The following ADAM17 variants were observed in gnomAD, a reference collection of about 807,000 sequenced individuals.
ADAM17 encodes the protein disintegrin and metalloproteinase domain-containing protein 17.
A neutral mutation model predicts 96.7 loss-of-function variants in ADAM17; 39 were observed. The ratio of observed to expected loss-of-function variants is 0.40; its 90% CI spans 0.31 to 0.53. The LOEUF is 0.53. Among genes scored for constraint, ADAM17 ranks in the 20% least tolerant of loss-of-function variants. ADAM17 has a pLI of 0.44. For synonymous variants in ADAM17, 344 were observed against 359.2 expected, an observed-to-expected ratio of 0.96 and a Z score of 0.48; for missense variants, 777 against 1,013.2, an observed-to-expected ratio of 0.77 and a Z score of 3.17.
intron 4 of ADAM17, among the ~76,000 whole-genome samples, chr2:9,528,272 A>G (rs746697388): frequency 3.9e-5 from 6 of 152,218 alleles, no homozygotes; most frequent in Non-Finnish European, 5.9e-5. Flanking sequence ...TCATTCAAAA[A>G]TATTATGTAA....
At chr2:9,529,592 G>A (rs1449336755) in intron 4 of ADAM17, among the ~76,000 whole-genome samples, 1 of 152,190 alleles carries the variant, frequency 6.6e-6, no homozygotes, top group Non-Finnish European at 1.5e-5. Flanking sequence ...GAAGGGGGAA[G>A]TATGGCTAAA....
At chr2:9,521,002 T>C (rs1279923921) in intron 8 of ADAM17, among the ~76,000 whole-genome samples, 1 of 149,170 alleles carries the variant, frequency 6.7e-6, no homozygotes, top group Non-Finnish European at 1.5e-5. Context: ...CATTGCTTTA[T>C]AGCGTTTTTC....
rs1662412847 is a variant in ADAM17, at chr2:9,494,539, C to G, written c.1914+98G>C. On this transcript the variant is annotated intron_variant, in intron 15 of 18. Transcript: ENST00000310823. ...AATGGGCCAGAAGGATGTAGCCCCACTTGTGTTTTGATTTGTTTTCATCTG... is the reference window on the plus strand; with the variant it reads ...AATGGGCCAGAAGGATGTAGCCCCAGTTGTGTTTTGATTTGTTTTCATCTG... 5 of 1,415,968 alleles carry G rather than the reference C, an allele frequency of 3.5e-6. No individual in the cohort carries two copies. In the South Asian group the frequency reaches 5.1e-5, roughly 14 times the overall value. The allele number at this position is 1,415,968 out of a possible 1,614,324, so 87.7% of individuals were successfully genotyped here.
chr2:9,490,394 T>G lies in ADAM17; in HGVS notation c.2258A>C (p.Lys753Thr), dbSNP rs1428002429. ...PVIPSAPAAP[K>T]LDHQRMDTIQ... ...GGTGTCCATTCTCTGGTGGTCCAGTTTTGGAGCTGCTGGCGCCGAAGGGAT... is the reference window on the plus strand; with the variant it reads ...GGTGTCCATTCTCTGGTGGTCCAGTGTTGGAGCTGCTGGCGCCGAAGGGAT... Residue 753 changes from lysine (K) to threonine (T), a missense_variant, in exon 19 of 19, where the codon AAA becomes ACA. Transcript: ENST00000310823. The G allele has an allele frequency of 6.2e-7, 1 of 1,614,042 alleles. No homozygotes were observed. The highest frequency in any genetic ancestry group is 8.5e-7 in the Non-Finnish European group (1 of 1,180,000).
At chr2:9,550,903 C>CAAAAAAAAAAAAAAAAA (rs33972062) in intron 1 of ADAM17, among the ~76,000 whole-genome samples, 1 of 97,868 alleles carries the variant, frequency 1.0e-5, no homozygotes. Context: ...ACTAAAAATA[C>CAAAAAAAAAAAAAAAAA]AAAAAAAAAA....
Position 9,520,964 on chromosome 2 carries a change from CAAA to C in ADAM17, c.957+236_957+238del, listed in dbSNP as rs55909096. 5.1e-3 allele frequency among the ~76,000 whole-genome samples: 133 copies of C among 26,288 alleles called. 16 individuals carry two copies. Among genetic ancestry groups the C allele is most frequent in the African/African-American group, 0.011 (86 of 8,074 alleles). The allele number at this position is 26,288 out of a possible 152,430, so 17.2% of individuals were successfully genotyped here. A position where few individuals can be genotyped will look rare whatever the true frequency, so the allele number is the denominator to read the frequency against. ...GGGCAACAAGAGTGAAACTCTGTCT[CAAA>C]AAAAAAAAAAAAAAAAAAAGGAAGC... On this transcript the variant is annotated intron_variant, in intron 8 of 18. Coordinates refer to ENST00000310823, the MANE Select transcript of ADAM17 (RefSeq NM_003183.6).
chr2:9,537,898 AGGG>A (rs1558522653), intron 2 of ADAM17, among the ~76,000 whole-genome samples: 1 of 51,138 alleles, frequency 2.0e-5, no homozygotes, highest in Non-Finnish European at 4.2e-5. Context: ...AGGGGAGGGG[AGGG>A]GAGGAGAGGG....
chr2:9,527,767 T>C lies in ADAM17; in HGVS notation c.619+19A>G, dbSNP rs748213080. The C allele has an allele frequency of 6.8e-7, 1 of 1,480,560 alleles. No homozygotes were observed. Among genetic ancestry groups the C allele is most frequent in the Non-Finnish European group, 9.0e-7 (1 of 1,112,726 alleles). The allele number at this position is 1,480,560 out of a possible 1,614,324, so 91.7% of individuals were successfully genotyped here. A position where few individuals can be genotyped will look rare whatever the true frequency, so the allele number is the denominator to read the frequency against. Reference sequence around the variant, plus strand: ...TAGTATGTTTGTTTCTTATTTGAAATACACTCTTTAAGTCTTACCTTCAGG... The same window carrying C: ...TAGTATGTTTGTTTCTTATTTGAAACACACTCTTTAAGTCTTACCTTCAGG... On this transcript the variant is annotated intron_variant, in intron 5 of 18. Coordinates refer to ENST00000310823, the MANE Select transcript of ADAM17 (RefSeq NM_003183.6).
intron 10 of ADAM17, among the ~76,000 whole-genome samples, chr2:9,514,566 T>TATAA (rs1663952878): frequency 1.4e-4 from 13 of 92,354 alleles, no homozygotes; most frequent in African/African-American, 3.7e-4. Context: ...TATATATATA[T>TATAA]ATAAATAAAA....
In ADAM17 at chr2:9,536,706, T is replaced by C; in HGVS notation, c.353A>G (p.His118Arg). 1 of 1,614,012 alleles carries C rather than the reference T, an allele frequency of 6.2e-7. No individual in the cohort carries two copies. The highest frequency in any genetic ancestry group is 8.5e-7 in the Non-Finnish European group (1 of 1,179,950). Residue 118 changes from histidine (H) to arginine (R), a missense_variant, in exon 3 of 19, where the codon CAC becomes CGC. Physicochemically the swap from His to Arg is conservative, Grantham distance 29. Around this residue, in one of 3 missense-constraint regions of ADAM17, gnomAD observed 446 missense variants for 664.7 expected, o/e 0.67. Coordinates refer to ENST00000310823, the MANE Select transcript of ADAM17 (RefSeq NM_003183.6). ...ACAAGCTCCATACTAACCAACCACG[T>C]GTCCAGTGAAGAAGTCCTGCCATTT... ...TVKWQDFFTG[H>R]VVGEPDSRVL...
chr2:9,535,821 C>T lies in ADAM17; in HGVS notation c.450+13G>A. 1 of 1,543,140 alleles carries T rather than the reference C, an allele frequency of 6.5e-7. No homozygotes were observed. Among genetic ancestry groups the T allele is most frequent in the Non-Finnish European group, 8.8e-7 (1 of 1,134,522 alleles). ...ATATAAGCTACTGAAAAAAAATTCA[C>T]ATATAAATTTACCTCTATGTTATAT... is the stretch of plus-strand genomic sequence containing the variant. On this transcript the variant is annotated intron_variant, in intron 4 of 18. Transcript: ENST00000310823.
intron 1 of ADAM17, among the ~76,000 whole-genome samples, chr2:9,551,108 T>C (rs1359211040): frequency 6.6e-6 from 1 of 151,930 alleles, no homozygotes; most frequent in African/African-American, 2.4e-5. Context: ...TTGGACATGT[T>C]ATATTTGAAG....
intron 4 of ADAM17, among the ~76,000 whole-genome samples, chr2:9,528,350 G>GTT (rs1664610116): frequency 6.6e-6 from 1 of 152,106 alleles, no homozygotes; most frequent in Non-Finnish European, 1.5e-5. Context: ...CAAGGTTTCT[G>GTT]TTCATGCAGC....
chr2:9,545,238 A>G (rs998431964), intron 1 of ADAM17, among the ~76,000 whole-genome samples: 1 of 152,160 alleles, frequency 6.6e-6, no homozygotes, highest in African/African-American at 2.4e-5. Context: ...TGTGTTTAAC[A>G]AGGCTTCCAG....
intron 4 of ADAM17, among the ~76,000 whole-genome samples, chr2:9,530,167 A>G (rs1332118982): frequency 3.3e-5 from 5 of 152,200 alleles, no homozygotes; most frequent in African/African-American, 1.2e-4. Context: ...AAGTTAACTA[A>G]CCCAACTTCC....
intron 2 of ADAM17, among the ~76,000 whole-genome samples, chr2:9,542,689 C>T (rs1227996794): frequency 1.3e-5 from 2 of 151,968 alleles, no homozygotes; most frequent in Admixed American, 1.3e-4. Flanking sequence ...TCAGTATGAA[C>T]TTTATTTATT....
intron 4 of ADAM17, among the ~76,000 whole-genome samples, chr2:9,534,103 C>A (rs1664859641): frequency 6.6e-6 from 1 of 152,232 alleles, no homozygotes; most frequent in Non-Finnish European, 1.5e-5. Context: ...GGCACAGTGG[C>A]TCACGCCTAT....
chr2:9,523,116 TA>T, intron 7 of ADAM17, 132 bp downstream of exon 7: 1 of 638,000 alleles, frequency 1.6e-6, no homozygotes, highest in Non-Finnish European at 2.6e-6. Context: ...CAATTCATCA[TA>T]AAAAATCATT....
rs1402895091 is a variant in ADAM17, at chr2:9,522,123, T to C, written c.844-807A>G. 1.4e-5 allele frequency: 4 copies of C among 296,072 alleles called. No homozygotes were observed. The Admixed American group carries it at 1.5e-4, about 11-fold the overall frequency. The allele number at this position is 296,072 out of a possible 1,614,324, so 18.3% of individuals were successfully genotyped here. A position where few individuals can be genotyped will look rare whatever the true frequency, so the allele number is the denominator to read the frequency against. ...TAAAGCAAAAAGAAAATTTACAGGT[T>C]CCCTGAAACTCAAACATGATGCAGC... On this transcript the variant is annotated intron_variant, in intron 7 of 18. Transcript: ENST00000310823.
Sources: gnomAD v4.1 joint callset for allele counts (sites outside exome capture counted in the v4.1 genomes callset) on GRCh38, gnomAD v4.1.1 for gene constraint, gnomAD v4.1.1 regional missense constraint, MANE v1.5 for transcripts, NCBI Gene and HGNC (gene_info 2026-07-23, HGNC 2026-07-21) for gene names.